MDGA2: variants seen among roughly 807,000 people sequenced by gnomAD.
MDGA2 encodes MAM domain-containing glycosylphosphatidylinositol anchor protein 2.
Under a neutral mutation model 117.8 loss-of-function variants are expected in MDGA2, and 40 were observed. The observed-to-expected ratio is 0.34, with a 90% CI of 0.26 to 0.44. The LOEUF is 0.44. Among genes scored for constraint, MDGA2 ranks in the 20% least tolerant of loss-of-function variants. MDGA2 has a pLI of 1.00. For missense variants in MDGA2, 1,123 were observed against 1,250.6 expected (o/e 0.90, Z 1.54); for synonymous variants, 452 against 439.0 (o/e 1.03, Z -0.37).
chr14:47,528,846 G>A (rs1471491511), intron 1 of MDGA2, among the ~76,000 whole-genome samples: 1 of 151,776 alleles, frequency 6.6e-6, no homozygotes, highest in African/African-American at 2.4e-5. Context: ...ATTTTATCTT[G>A]TAAAACAATC....
rs71418156 is a variant in MDGA2, at chr14:47,377,584, G to A, written c.281-76034C>T. 7.6e-4 allele frequency among the ~76,000 whole-genome samples: 116 copies of A among 152,242 alleles called. 1 individual carries two copies. The highest frequency in any genetic ancestry group is 2.6e-3 in the African/African-American group (108 of 41,558). ...GATTATATCCCATGCATGGCTTTGA[G>A]GGTCCCATGCCCACGGAGCCTTGCT... is the stretch of plus-strand genomic sequence containing the variant. On this transcript the variant is annotated intron_variant, in intron 1 of 16. Coordinates refer to ENST00000399232, the MANE Select transcript of MDGA2 (RefSeq NM_001113498.3).
At chr14:47,637,430 C>A (rs978506856) in intron 1 of MDGA2, among the ~76,000 whole-genome samples, 1 of 152,120 alleles carries the variant, frequency 6.6e-6, no homozygotes, top group African/African-American at 2.4e-5. Context: ...GAGAGGAAAA[C>A]CACTCTCCTA....
chr14:47,529,844 G>C lies in MDGA2; in HGVS notation c.280+144673C>G, dbSNP rs117452394. On this transcript the variant is annotated intron_variant, in intron 1 of 16. Transcript: ENST00000399232. ...TTTTTAGAAGTTGTAGGATATGTAT[G>C]AATATGACATTTATACAGTTCCAAG... 3.1e-3 allele frequency among the ~76,000 whole-genome samples: 471 copies of C among 152,340 alleles called. 1 individual carries two copies. Among genetic ancestry groups the C allele is most frequent in the Middle Eastern group, 0.02 (6 of 294 alleles).
downstream of MDGA2, among the ~76,000 whole-genome samples, chr14:46,839,676 G>T (rs1880531135): frequency 6.6e-6 from 1 of 151,810 alleles, no homozygotes; most frequent in Admixed American, 6.6e-5. Context: ...AATCTCTTTG[G>T]TCTGATAAAG....
intron 1 of MDGA2, chr14:47,343,188 C>T: frequency 8.8e-7 from 1 of 1,134,516 alleles, no homozygotes; most frequent in Non-Finnish European, 1.1e-6. Flanking sequence ...GGTACAGGCT[C>T]AAGCTATTAA....
intron 1 of MDGA2, among the ~76,000 whole-genome samples, chr14:47,372,866 T>C (rs1594822713): frequency 6.6e-6 from 1 of 152,014 alleles, no homozygotes; most frequent in Non-Finnish European, 1.5e-5. Context: ...CTTTTTATTA[T>C]AATTTTATGG....
chr14:47,144,135 C>T lies in MDGA2; in HGVS notation c.735G>A (p.Glu245=). Residue 245 remains glutamate (E), a synonymous_variant, in exon 4 of 17, where the codon GAG becomes GAA. Coordinates refer to ENST00000399232, the MANE Select transcript of MDGA2 (RefSeq NM_001113498.3). The part of the protein sequence containing the change: ...PVRYSWRRGQ[E]VLLQGSDKGV... ...CTTTATCAGATCCTTGCAGCAAGAC[C>T]TCCTGGCCACGTCTCCAGCTATACC... is the stretch of plus-strand genomic sequence containing the variant. The T allele has an allele frequency of 6.4e-7, 1 of 1,551,146 alleles. No individual in the cohort carries two copies. The highest frequency in any genetic ancestry group is 8.7e-7 in the Non-Finnish European group (1 of 1,146,698).
chr14:46,971,568 G>A (rs1397140483), intron 8 of MDGA2, among the ~76,000 whole-genome samples: 1 of 152,166 alleles, frequency 6.6e-6, no homozygotes, highest in East Asian at 1.9e-4. Context: ...ATGGGTGGGA[G>A]GAGGGGATAA....
intron 3 of MDGA2, among the ~76,000 whole-genome samples, chr14:47,152,935 T>C (rs1211823017): frequency 6.6e-6 from 1 of 152,130 alleles, no homozygotes; most frequent in East Asian, 1.9e-4. Context: ...TCTTCACAAG[T>C]ATAGAGTAAT....
intron 3 of MDGA2, among the ~76,000 whole-genome samples, chr14:47,197,066 A>G (rs543127319): frequency 2.0e-4 from 31 of 152,314 alleles, no homozygotes; most frequent in African/African-American, 7.2e-4. Flanking sequence ...CCAGTCCACC[A>G]TTGATGGGTA....
chr14:47,451,215 G>A (rs1201876037), intron 1 of MDGA2, among the ~76,000 whole-genome samples: 1 of 152,078 alleles, frequency 6.6e-6, no homozygotes, highest in Non-Finnish European at 1.5e-5. Flanking sequence ...CCTACTCAGG[G>A]AAGAAGATCT....
chr14:47,591,834 T>A (rs1455908993), intron 1 of MDGA2, among the ~76,000 whole-genome samples: 1 of 152,120 alleles, frequency 6.6e-6, no homozygotes, highest in African/African-American at 2.4e-5. Context: ...TCATATTGAA[T>A]GGGCAAAAGC....
At chr14:46,907,490 T>G (rs1357344396) in intron 10 of MDGA2, among the ~76,000 whole-genome samples, 2 of 152,208 alleles carry the variant, frequency 1.3e-5, no homozygotes, top group Non-Finnish European at 2.9e-5. Context: ...TCTCATAATA[T>G]ACCACTGTAA....
intron 1 of MDGA2, among the ~76,000 whole-genome samples, chr14:47,611,501 A>C (rs1158554616): frequency 6.6e-6 from 1 of 152,012 alleles, no homozygotes; most frequent in Non-Finnish European, 1.5e-5. Context: ...CAAACTCAAA[A>C]AAAATCAGCA....
chr14:47,631,789 T>G (rs1381397478), intron 1 of MDGA2, among the ~76,000 whole-genome samples: 4 of 152,160 alleles, frequency 2.6e-5, no homozygotes, highest in Non-Finnish European at 2.9e-5. Flanking sequence ...CACACATTGA[T>G]GCAAGACAAG....
chr14:46,962,096 T>C (rs915434108), intron 8 of MDGA2, among the ~76,000 whole-genome samples: 1 of 152,192 alleles, frequency 6.6e-6, no homozygotes, highest in African/African-American at 2.4e-5. Flanking sequence ...TGCTGATGAC[T>C]AAAATGATGG....
chr14:47,216,465 A>T (rs1886093130), intron 3 of MDGA2, among the ~76,000 whole-genome samples: 1 of 152,154 alleles, frequency 6.6e-6, no homozygotes, highest in Admixed American at 6.6e-5. Context: ...AAAGTCTGGT[A>T]AATAAAGAGT....
chr14:47,472,116 G>A (rs537693036), intron 1 of MDGA2, among the ~76,000 whole-genome samples: 3 of 152,126 alleles, frequency 2.0e-5, no homozygotes, highest in South Asian at 4.1e-4. Flanking sequence ...AAAAGTATAC[G>A]CAATCCACTA....
At chr14:47,352,752 A>T (rs1232547639) in intron 1 of MDGA2, among the ~76,000 whole-genome samples, 1 of 152,170 alleles carries the variant, frequency 6.6e-6, no homozygotes, top group Non-Finnish European at 1.5e-5. Context: ...CCATTTTGTC[A>T]TTAATCTTTT....
Sources: allele counts gnomAD v4.1 joint callset (sites outside exome capture counted in the v4.1 genomes callset), GRCh38; gene constraint gnomAD v4.1.1; transcripts MANE v1.5; gene names NCBI Gene and HGNC (gene_info 2026-07-23, HGNC 2026-07-21).